The following NHSL2 variants were observed in gnomAD, a reference collection of about 807,000 sequenced individuals.
NHSL2 encodes the protein NHS like 2.
Under a neutral mutation model 53.4 loss-of-function variants are expected in NHSL2, and 27 were observed. The observed-to-expected ratio is 0.51, with a 90% confidence interval of 0.37 to 0.70. The LOEUF (loss-of-function observed/expected upper bound fraction) is 0.70, where lower values mean the gene tolerates loss of function less well. NHSL2 is among the 30% of genes least tolerant of loss of function. The pLI is 0.00. For missense variants in NHSL2, 892 were observed against 980.1 expected, an observed-to-expected ratio of 0.91 and a Z score of 1.20; for synonymous variants, 408 against 404.1, an observed-to-expected ratio of 1.01 and a Z score of -0.12.
chrX:71,933,814 G>A (rs1005837657), intron 1 of NHSL2, among the ~76,000 whole-genome samples: 1 of 111,183 alleles, frequency 9.0e-6, no homozygotes, highest in African/African-American at 3.3e-5. Flanking sequence ...GGTTCATTTT[G>A]GCCAGCTTGG....
intron 1 of NHSL2, among the ~76,000 whole-genome samples, chrX:71,993,232 C>A (rs1271540850): frequency 8.9e-6 from 1 of 112,475 alleles, no homozygotes; most frequent in African/African-American, 3.2e-5. Flanking sequence ...TCAGCTACCC[C>A]CAGTGGCCTG....
intron 1 of NHSL2, among the ~76,000 whole-genome samples, chrX:71,939,699 G>A (rs2147829648): frequency 8.9e-6 from 1 of 112,049 alleles, no homozygotes; most frequent in African/African-American, 3.2e-5. Flanking sequence ...CTGTGTCTCA[G>A]TTTCCTTACC....
intron 1 of NHSL2, among the ~76,000 whole-genome samples, chrX:72,003,251 C>G (rs2042079690): frequency 9.0e-6 from 1 of 111,227 alleles, no homozygotes; most frequent in African/African-American, 3.3e-5. Context: ...TTCTGAGTAA[C>G]TTTGAGGGCA....
At chrX:71,960,266 C>G (rs1177820488) in intron 1 of NHSL2, among the ~76,000 whole-genome samples, 1 of 111,681 alleles carries the variant, frequency 9.0e-6, no homozygotes, top group Non-Finnish European at 1.9e-5. Context: ...GATACTAGGC[C>G]CTTATCAGAT....
chrX:72,103,392 TAAAC>T (rs2042011962), intron 1 of NHSL2, among the ~76,000 whole-genome samples: 1 of 112,327 alleles, frequency 8.9e-6, no homozygotes, highest in Admixed American at 9.4e-5. Flanking sequence ...ACTGAAGCAC[TAAAC>T]AAACAGTTAT....
intron 1 of NHSL2, among the ~76,000 whole-genome samples, chrX:72,075,151 G>A (rs1470350888): frequency 1.8e-5 from 2 of 111,692 alleles, no homozygotes; most frequent in Admixed American, 9.5e-5. Context: ...GAAGCTGCAC[G>A]TTTGAACTCA....
rs531555081 is a variant in NHSL2, at chrX:71,986,945, C to T, written c.280+75578C>T. Among the ~76,000 whole-genome samples the T allele has an allele frequency of 3.5e-4, 39 of 112,237 alleles. No homozygotes were observed. The South Asian group carries it at 0.013, about 38-fold the overall frequency. ...TTATCTTATCTAACTTAAAACAATC[C>T]GTTAACCCTTTAATCTAGGCAAGAA... On this transcript the variant is annotated intron_variant, in intron 1 of 7. Coordinates refer to ENST00000633930, the MANE Select transcript of NHSL2 (RefSeq NM_001013627.3).
intron 1 of NHSL2, among the ~76,000 whole-genome samples, chrX:71,949,784 G>A (rs2041811527): frequency 8.9e-6 from 1 of 112,878 alleles, no homozygotes; most frequent in African/African-American, 3.2e-5. Flanking sequence ...AGCCCACAGC[G>A]CAAACATACA....
chrX:72,128,299 T>A (rs1442680599), intron 1 of NHSL2: 1 of 112,034 alleles, frequency 8.9e-6, no homozygotes, highest in African/African-American at 3.3e-5. Context: ...TCGGTCAGAC[T>A]CCCATGAGGA....
intron 1 of NHSL2, among the ~76,000 whole-genome samples, chrX:72,117,818 T>TTCTATTTATTTA (rs2042151480): frequency 1.0e-5 from 1 of 95,492 alleles, no homozygotes; most frequent in South Asian, 5.0e-4. Flanking sequence ...TAGACCACAT[T>TTCTATTTATTTA]TTTATTTATT....
intron 1 of NHSL2, among the ~76,000 whole-genome samples, chrX:71,946,897 C>A (rs1298169594): frequency 8.9e-6 from 1 of 112,119 alleles, no homozygotes; most frequent in African/African-American, 3.2e-5. Context: ...ACTAGTACTT[C>A]CTTCTGCTGC....
chrX:72,028,844 C>T (rs955679974), intron 1 of NHSL2, among the ~76,000 whole-genome samples: 2 of 112,592 alleles, frequency 1.8e-5, no homozygotes, highest in African/African-American at 3.2e-5. Flanking sequence ...TGGACATTGT[C>T]GGTAGAGCTG....
chrX:72,128,854 G>A (rs1306595528), intron 1 of NHSL2: 1 of 113,239 alleles, frequency 8.8e-6, no homozygotes, highest in East Asian at 2.8e-4. Context: ...TCCAAGGCCT[G>A]GCAAGGGGAG....
intron 5 of NHSL2, 99 bp from the exon 6 acceptor site, chrX:72,138,342 G>T: frequency 1.6e-6 from 1 of 632,816 alleles, no homozygotes; most frequent in Non-Finnish European, 2.4e-6. Flanking sequence ...CCAAGCTGTT[G>T]GCAAATGCTT....
chrX:71,991,181 T>C (rs1454232779), intron 1 of NHSL2, among the ~76,000 whole-genome samples: 1 of 112,886 alleles, frequency 8.9e-6, no homozygotes, highest in Non-Finnish European at 1.9e-5. Context: ...AAACATGTTT[T>C]GTTGGTTGGC....
At position 72,148,552 on chromosome X, in the gene NHSL2, G is replaced by A. The variant is rs1166936644; in HGVS notation, c.*4978G>A. On this transcript the variant is annotated 3_prime_UTR_variant, in exon 8 of 8. Transcript: ENST00000633930. ...TATAAGGAAGTGCCTTTGTCAAAAGGCAGCAAAAAGTATAATGATATAAAC... is the reference window on the plus strand; with the variant it reads ...TATAAGGAAGTGCCTTTGTCAAAAGACAGCAAAAAGTATAATGATATAAAC... The A allele has an allele frequency of 8.9e-6, 1 of 111,743 alleles. No homozygotes were observed. The highest frequency in any genetic ancestry group is 1.9e-5 in the Non-Finnish European group (1 of 53,191). 9.2% of individuals were successfully genotyped at this position (111,743 alleles called of 1,213,427 possible). A position where few individuals can be genotyped will look rare whatever the true frequency, so the allele number is the denominator to read the frequency against.
At chrX:71,977,068 ACT>A in intron 1 of NHSL2, among the ~76,000 whole-genome samples, 1 of 111,500 alleles carries the variant, frequency 9.0e-6, no homozygotes, top group Non-Finnish European at 1.9e-5. Context: ...GGGTAATATT[ACT>A]TTTTGGCTCC....
chrX:72,138,543 G>A lies in NHSL2; in HGVS notation c.995G>A (p.Gly332Asp). Residue 332 changes from glycine (G) to aspartate (D), a missense_variant, in exon 6 of 8, where the codon GGT becomes GAT. Physicochemically the swap from Gly to Asp is moderately conservative, Grantham distance 94. Coordinates refer to ENST00000633930, the MANE Select transcript of NHSL2 (RefSeq NM_001013627.3). ...PEGVHGRVAV[G>D]QDARFPSLTS... The stretch of plus-strand genomic sequence containing the variant: ...GGGGTTCATGGAAGAGTTGCAGTTG[G>A]TCAGGATGCTCGGTTCCCAAGTCTC... The A allele has an allele frequency of 2.6e-6, 3 of 1,167,349 alleles. No individual in the cohort carries two copies. Among genetic ancestry groups the A allele is most frequent in the Non-Finnish European group, 3.4e-6 (3 of 872,606 alleles).
At chrX:71,912,075 C>A (rs59203931) in intron 1 of NHSL2, among the ~76,000 whole-genome samples, 1 of 112,452 alleles carries the variant, frequency 8.9e-6, no homozygotes, top group African/African-American at 3.2e-5. Context: ...TGGAGAGAAT[C>A]ATTTAAAGAA....
Sources: allele counts gnomAD v4.1 joint callset (sites outside exome capture counted in the v4.1 genomes callset), GRCh38; gene constraint gnomAD v4.1.1; transcripts MANE v1.5; gene names NCBI Gene and HGNC (gene_info 2026-07-23, HGNC 2026-07-21).